Variants in HECW2 observed in about 807,000 individuals in gnomAD.
HECW2 encodes the protein HECT, C2 and WW domain containing E3 ubiquitin protein ligase 2, also known as E3 ubiquitin-protein ligase HECW2.
HECW2 carries 61 observed loss-of-function variants against 175.2 expected under a neutral mutation model. That is an observed-to-expected ratio of 0.35 (90% CI 0.28 to 0.43). The LOEUF is 0.43. HECW2 is among the 20% of genes least tolerant of loss of function. HECW2 has a pLI of 1.00. For missense variants in HECW2, 1,524 were observed against 2,000.5 expected (o/e 0.76, Z 4.54); for synonymous variants, 671 against 731.0 (o/e 0.92, Z 1.32).
intron 25 of HECW2, 26 bp downstream of exon 25, chr2:196,220,769 C>T: frequency 6.2e-7 from 1 of 1,612,874 alleles, no homozygotes; most frequent in Non-Finnish European, 8.5e-7. Flanking sequence ...AGACTGCAAA[C>T]TCCTCCTACT....
intron 1 of HECW2, among the ~76,000 whole-genome samples, chr2:196,460,776 ATTTTTTTTTTTT>A (rs201916150): frequency 5.2e-5 from 6 of 116,144 alleles, no homozygotes; most frequent in East Asian, 5.8e-4. Flanking sequence ...ACACCTGGCA[ATTTTTTTTTTTT>A]TTTTTTTTTT....
At chr2:196,286,649 T>C (rs561548370) in intron 14 of HECW2, among the ~76,000 whole-genome samples, 47 of 152,336 alleles carry the variant, frequency 3.1e-4, no homozygotes, top group Admixed American at 8.5e-4. Context: ...CCTTTTAAAA[T>C]AGACAAGAAG....
At chr2:196,388,726 A>G (rs1694422244) in intron 2 of HECW2, among the ~76,000 whole-genome samples, 1 of 152,186 alleles carries the variant, frequency 6.6e-6, no homozygotes, top group Non-Finnish European at 1.5e-5. Context: ...TTTTCAATCT[A>G]TAAGAATGGA....
intron 2 of HECW2, among the ~76,000 whole-genome samples, chr2:196,430,205 A>C (rs552985831): frequency 6.6e-6 from 1 of 152,358 alleles, no homozygotes; most frequent in Admixed American, 6.5e-5. Flanking sequence ...CAAGTTAGAA[A>C]TAGTAGAAAA....
intron 4 of HECW2, among the ~76,000 whole-genome samples, chr2:196,333,669 C>T (rs189524672): frequency 4.3e-4 from 66 of 152,260 alleles, no homozygotes; most frequent in African/African-American, 1.5e-3. Flanking sequence ...CCATCTGAGT[C>T]CAACCACCCA....
intron 1 of HECW2, among the ~76,000 whole-genome samples, chr2:196,518,919 C>T (rs1215403254): frequency 6.6e-6 from 1 of 152,162 alleles, no homozygotes; most frequent in East Asian, 1.9e-4. Flanking sequence ...TCCACTACTA[C>T]ATGCAGAATC....
At chr2:196,213,493 T>C (rs1687363679) in intron 28 of HECW2, among the ~76,000 whole-genome samples, 1 of 152,176 alleles carries the variant, frequency 6.6e-6, no homozygotes, top group Non-Finnish European at 1.5e-5. Context: ...ACTGCAACTC[T>C]GAAGCAGAAA....
At chr2:196,523,047 G>C (rs556990026) in intron 1 of HECW2, among the ~76,000 whole-genome samples, 27 of 151,634 alleles carry the variant, frequency 1.8e-4, no homozygotes, top group African/African-American at 6.1e-4. Context: ...GGATGGCATT[G>C]AATCTGTAAA....
At chr2:196,314,284 G>A (rs114084098) in intron 10 of HECW2, among the ~76,000 whole-genome samples, 177 of 152,314 alleles carry the variant, frequency 1.2e-3, no homozygotes, top group African/African-American at 3.9e-3. Flanking sequence ...TCTTCCTGGT[G>A]GGTCTGACCT....
chr2:196,505,117 A>G (rs1687712472), intron 1 of HECW2, among the ~76,000 whole-genome samples: 2 of 152,208 alleles, frequency 1.3e-5, no homozygotes, highest in South Asian at 4.1e-4. Flanking sequence ...TAGGCTTTTA[A>G]GGACTTGTTC....
At chr2:196,584,301 G>A (rs966478598) in intron 1 of HECW2, among the ~76,000 whole-genome samples, 1 of 152,142 alleles carries the variant, frequency 6.6e-6, no homozygotes, top group African/African-American at 2.4e-5. Flanking sequence ...TCTAATTAAA[G>A]TAAACTAGAG....
intron 1 of HECW2, among the ~76,000 whole-genome samples, chr2:196,466,961 TCTTAGTTTTCAGACTTGCTAGACTAGAA>T (rs1696978281): frequency 6.6e-6 from 1 of 152,166 alleles, no homozygotes; most frequent in Non-Finnish European, 1.5e-5. Context: ...ACTCCAACCG[TCTTAGTTTTCAGACTTGCTAGACTAGAA>T]TGCATACTAG....
At chr2:196,294,983 T>A (rs932883433) in intron 13 of HECW2, among the ~76,000 whole-genome samples, 2 of 151,720 alleles carry the variant, frequency 1.3e-5, no homozygotes, top group African/African-American at 4.9e-5. Context: ...TTGTTCCCTA[T>A]CAAAACAAAT....
chr2:196,201,449 G>GT (rs1686855300), intron 28 of HECW2, 61 bp from the exon 29 acceptor site: 1 of 1,001,018 alleles, frequency 1.0e-6, no homozygotes, highest in Non-Finnish European at 1.6e-6. Flanking sequence ...AAATGTGTGT[G>GT]GTGTGTGTGT....
At chr2:196,501,578 C>T (rs1304021963) in intron 1 of HECW2, among the ~76,000 whole-genome samples, 2 of 152,072 alleles carry the variant, frequency 1.3e-5, no homozygotes. Context: ...GAAAAAACTA[C>T]CAATTCTCAA....
intron 3 of HECW2, among the ~76,000 whole-genome samples, chr2:196,337,357 A>G (rs1038690458): frequency 2.0e-5 from 3 of 151,298 alleles, no homozygotes; most frequent in African/African-American, 7.3e-5. Context: ...AAATATATAC[A>G]AAGGCAGGTG....
chr2:196,270,096 C>G (rs1689671771), intron 17 of HECW2, among the ~76,000 whole-genome samples: 1 of 152,152 alleles, frequency 6.6e-6, no homozygotes, highest in South Asian at 2.1e-4. Context: ...GATGGTACCA[C>G]CAGGCAAATA....
intron 16 of HECW2, among the ~76,000 whole-genome samples, 157 bp from the exon 17 acceptor site, chr2:196,271,446 G>A (rs1217381390): frequency 3.4e-5 from 2 of 59,182 alleles, no homozygotes; most frequent in Non-Finnish European, 8.7e-5. Context: ...ACCATGCTCA[G>A]CTAATTTTTT....
chr2:196,296,974 C>T (rs1212217765), intron 13 of HECW2, among the ~76,000 whole-genome samples: 1 of 152,100 alleles, frequency 6.6e-6, no homozygotes, highest in African/African-American at 2.4e-5. Flanking sequence ...TGTTTGCTTG[C>T]TTATCTTACA....
Sources: allele counts gnomAD v4.1 joint callset (sites outside exome capture counted in the v4.1 genomes callset), GRCh38; gene constraint gnomAD v4.1.1; transcripts MANE v1.5; gene names NCBI Gene and HGNC (gene_info 2026-07-23, HGNC 2026-07-21).